The following EXOC6B variants were observed in gnomAD, a reference collection of about 807,000 sequenced individuals.
EXOC6B encodes SEC15 homolog B.
EXOC6B carries 54 observed loss-of-function variants against 113.5 expected under a neutral mutation model. The observed-to-expected ratio is 0.48, with a 90% CI of 0.38 to 0.60. EXOC6B has a LOEUF of 0.60. Among genes scored for constraint, EXOC6B ranks in the 20% least tolerant of loss-of-function variants. The pLI is 0.00. For missense variants in EXOC6B, 797 were observed against 977.5 expected (o/e 0.82, Z 2.46); for synonymous variants, 357 against 339.0 (o/e 1.05, Z -0.58).
intron 6 of EXOC6B, among the ~76,000 whole-genome samples, chr2:72,638,186 G>A (rs1028873286): frequency 7.9e-5 from 12 of 152,024 alleles, no homozygotes; most frequent in East Asian, 1.9e-4. Flanking sequence ...CAACCATTAC[G>A]GCAGAAATTC....
At chr2:72,265,309 T>C (rs902168145) in intron 20 of EXOC6B, among the ~76,000 whole-genome samples, 1 of 151,142 alleles carries the variant, frequency 6.6e-6, no homozygotes, top group Non-Finnish European at 1.5e-5. Context: ...ATGTGCAGGT[T>C]AGTTACATAT....
intron 6 of EXOC6B, among the ~76,000 whole-genome samples, chr2:72,689,198 T>G (rs144905664): frequency 6.6e-6 from 1 of 152,348 alleles, no homozygotes; most frequent in African/African-American, 2.4e-5. Context: ...AAACTAAAAA[T>G]CATACCTGGC....
chr2:72,263,635 T>C (rs1363644894), intron 20 of EXOC6B, among the ~76,000 whole-genome samples: 1 of 151,686 alleles, frequency 6.6e-6, no homozygotes, highest in Admixed American at 6.6e-5. Context: ...GAAGGAGAGG[T>C]TGAATAAAGC....
chr2:72,364,384 GA>G (rs574838206), intron 19 of EXOC6B, among the ~76,000 whole-genome samples: 2 of 151,822 alleles, frequency 1.3e-5, no homozygotes, highest in Non-Finnish European at 2.9e-5. Context: ...AATATATGAG[GA>G]AAAAAAATTT....
At chr2:72,288,153 T>C (rs559459062) in intron 20 of EXOC6B, among the ~76,000 whole-genome samples, 2 of 152,300 alleles carry the variant, frequency 1.3e-5, no homozygotes, top group Admixed American at 6.5e-5. Flanking sequence ...TTCACTAAGA[T>C]GGCTAAAAAT....
chr2:72,760,450 A>G (rs1682674258), intron 1 of EXOC6B: 1 of 152,390 alleles, frequency 6.6e-6, no homozygotes, highest in Admixed American at 6.5e-5. Context: ...TAGATCAAGA[A>G]ATCAACTATA....
At chr2:72,337,903 T>C (rs527289656) in intron 19 of EXOC6B, among the ~76,000 whole-genome samples, 1 of 152,248 alleles carries the variant, frequency 6.6e-6, no homozygotes, top group East Asian at 1.9e-4. Flanking sequence ...GTTCAACCAA[T>C]ATTGTGTTTT....
intron 20 of EXOC6B, among the ~76,000 whole-genome samples, chr2:72,228,197 G>A (rs1681364764): frequency 6.6e-6 from 1 of 152,158 alleles, no homozygotes; most frequent in Non-Finnish European, 1.5e-5. Context: ...GACATCACTT[G>A]ATAATGCACC....
At chr2:72,553,554 A>G (rs1481132625) in intron 8 of EXOC6B, among the ~76,000 whole-genome samples, 1 of 152,074 alleles carries the variant, frequency 6.6e-6, no homozygotes, top group East Asian at 1.9e-4. Flanking sequence ...GATATATTAT[A>G]AAATATAACA....
chr2:72,478,262 T>C (rs1377687252), intron 17 of EXOC6B, among the ~76,000 whole-genome samples: 3 of 152,182 alleles, frequency 2.0e-5, no homozygotes, highest in Non-Finnish European at 2.9e-5. Context: ...GAAAATCTTA[T>C]GAATCAGGAA....
chr2:72,427,745 G>A (rs1403690069), intron 18 of EXOC6B, among the ~76,000 whole-genome samples: 1 of 152,186 alleles, frequency 6.6e-6, no homozygotes, highest in Non-Finnish European at 1.5e-5. Context: ...ACCCTGGTGA[G>A]GCTGTACCTT....
chr2:72,398,602 C>T (rs1293964731), intron 18 of EXOC6B, among the ~76,000 whole-genome samples: 1 of 151,430 alleles, frequency 6.6e-6, no homozygotes, highest in Non-Finnish European at 1.5e-5. Context: ...GTGGCTGCAG[C>T]ACGAGAATGG....
intron 17 of EXOC6B, among the ~76,000 whole-genome samples, chr2:72,466,344 C>CAAAAAAAAA (rs551509210): frequency 1.2e-5 from 1 of 82,312 alleles, no homozygotes; most frequent in Non-Finnish European, 2.3e-5. Flanking sequence ...GACTCCACCT[C>CAAAAAAAAA]AAAAAAAAAA....
At chr2:72,219,100 C>A (rs1388543588) in intron 20 of EXOC6B, among the ~76,000 whole-genome samples, 1 of 152,080 alleles carries the variant, frequency 6.6e-6, no homozygotes, top group Non-Finnish European at 1.5e-5. Flanking sequence ...CACTGGCATT[C>A]CATAGTGATA....
intron 8 of EXOC6B, among the ~76,000 whole-genome samples, chr2:72,540,073 A>G (rs1184226305): frequency 6.6e-6 from 1 of 150,644 alleles, no homozygotes; most frequent in Non-Finnish European, 1.5e-5. Context: ...GCGATAGTTT[A>G]CTGAGAATGA....
intron 18 of EXOC6B, among the ~76,000 whole-genome samples, chr2:72,451,108 A>G (rs1696887153): frequency 6.6e-6 from 1 of 152,226 alleles, no homozygotes; most frequent in African/African-American, 2.4e-5. Flanking sequence ...GTTTTACAAT[A>G]GCAAAAATAT....
In EXOC6B at chr2:72,552,095, T is replaced by C. The variant is rs116672010; in HGVS notation, c.915+7358A>G. On this transcript the variant is annotated intron_variant, in intron 8 of 21. Coordinates refer to ENST00000272427, the MANE Select transcript of EXOC6B (RefSeq NM_015189.3). ...ATTTATTCATTCAACTATTTAATAATATTTACTGAGTACTTACCACATGCC... is the reference window on the plus strand; with the variant it reads ...ATTTATTCATTCAACTATTTAATAACATTTACTGAGTACTTACCACATGCC... 4.8e-3 allele frequency among the ~76,000 whole-genome samples: 730 copies of C among 152,354 alleles called. 9 individuals are homozygous for C. The highest frequency in any genetic ancestry group is 0.016 in the African/African-American group (678 of 41,582).
Position 72,176,600 on chromosome 2 carries a change from C to G in EXOC6B, c.*2735G>C, listed in dbSNP as rs1677748399. The G allele has an allele frequency of 6.6e-6, 1 of 152,208 alleles. No individual in the cohort carries two copies. The highest frequency in any genetic ancestry group is 1.5e-5 in the Non-Finnish European group (1 of 68,040). The allele number at this position is 152,208 out of a possible 1,614,324, so 9.4% of individuals were successfully genotyped here. A position where few individuals can be genotyped will look rare whatever the true frequency, so the allele number is the denominator to read the frequency against. On this transcript the variant is annotated 3_prime_UTR_variant, in exon 22 of 22. Coordinates refer to ENST00000272427, the MANE Select transcript of EXOC6B (RefSeq NM_015189.3). ...CACTTCCTGGTTCCCATTTTCAGGT[C>G]CTGTTCTTCCCTACCTGCAACAGCT...
At chr2:72,665,123 C>T (rs1675297069) in intron 6 of EXOC6B, among the ~76,000 whole-genome samples, 1 of 152,138 alleles carries the variant, frequency 6.6e-6, no homozygotes, top group South Asian at 2.1e-4. Flanking sequence ...TGTTTGCCAG[C>T]CGCAGCCTCT....
Sources: allele counts gnomAD v4.1 joint callset (sites outside exome capture counted in the v4.1 genomes callset), GRCh38; gene constraint gnomAD v4.1.1; transcripts MANE v1.5; gene names NCBI Gene and HGNC (gene_info 2026-07-23, HGNC 2026-07-21).